Variants in UXS1 observed in about 807,000 individuals in gnomAD.
UXS1 encodes the protein UDP-glucuronate decarboxylase 1.
UXS1 carries 33 observed loss-of-function variants against 62.6 expected under a neutral mutation model. That is an observed-to-expected ratio of 0.53 (90% confidence interval 0.40 to 0.70). The LOEUF is 0.70. Among genes scored for constraint, UXS1 ranks in the 30% least tolerant of loss-of-function variants. The pLI, the probability that UXS1 is intolerant of heterozygous loss-of-function variation, is 0.00. For synonymous variants in UXS1, 213 were observed against 206.8 expected, an observed-to-expected ratio of 1.03 and a Z score of -0.26; for missense variants, 434 against 556.3, an observed-to-expected ratio of 0.78 and a Z score of 2.21.
At chr2:106,192,868 C>CA (rs1685018182) in intron 1 of UXS1, among the ~76,000 whole-genome samples, 1 of 152,210 alleles carries the variant, frequency 6.6e-6, no homozygotes, top group African/African-American at 2.4e-5. Flanking sequence ...AATCATGACT[C>CA]ACACAGTTAA....
intron 6 of UXS1, among the ~76,000 whole-genome samples, chr2:106,130,947 G>A (rs796269496): frequency 5.9e-5 from 9 of 152,254 alleles, no homozygotes; most frequent in Admixed American, 3.9e-4. Flanking sequence ...AGCTCCCAGC[G>A]TGAGCGACGC....
chr2:106,138,109 A>T (rs989394360), intron 6 of UXS1: 1 of 922,246 alleles, frequency 1.1e-6, no homozygotes, highest in Non-Finnish European at 1.3e-6. Context: ...AGAGGGAAGA[A>T]GTGTGCCTTG....
At chr2:106,116,462 G>C (rs1679065813) in intron 9 of UXS1, among the ~76,000 whole-genome samples, 1 of 152,128 alleles carries the variant, frequency 6.6e-6, no homozygotes, top group African/African-American at 2.4e-5. Flanking sequence ...CTCATGATCA[G>C]CACCCAGCAT....
rs114599246 is a variant in UXS1, at chr2:106,169,900, G to A, written c.95-3817C>T. On this transcript the variant is annotated intron_variant, in intron 1 of 14. Transcript: ENST00000283148. The stretch of plus-strand genomic sequence containing the variant: ...CATGCTTCCCAGGATCAGCCCTGGG[G>A]AATGATGTCCAAGCCACAGCCAAAG... 6.6e-4 allele frequency among the ~76,000 whole-genome samples: 101 copies of A among 152,130 alleles called. 1 individual carries two copies. Among genetic ancestry groups the A allele is most frequent in the African/African-American group, 2.4e-3 (99 of 41,464 alleles).
At chr2:106,124,804 A>C (rs2104929934) in intron 8 of UXS1, among the ~76,000 whole-genome samples, 1 of 152,314 alleles carries the variant, frequency 6.6e-6, no homozygotes, top group Non-Finnish European at 1.5e-5. Flanking sequence ...ATTACAAAGA[A>C]TATCACTGCA....
At chr2:106,104,905 C>T in intron 10 of UXS1, 68 bp from the exon 11 acceptor site, 1 of 1,593,354 alleles carries the variant, frequency 6.3e-7, no homozygotes, top group Non-Finnish European at 8.6e-7. Context: ...GTCCTTGAAA[C>T]TCCAGGGGAC....
At chr2:106,116,226 A>C (rs1472531764) in intron 9 of UXS1, among the ~76,000 whole-genome samples, 1 of 152,218 alleles carries the variant, frequency 6.6e-6, no homozygotes, top group African/African-American at 2.4e-5. Context: ...TGTACAGAGC[A>C]CCTCTGACAG....
chr2:106,175,019 A>G (rs952407964), intron 1 of UXS1, among the ~76,000 whole-genome samples: 4 of 152,218 alleles, frequency 2.6e-5, no homozygotes, highest in African/African-American at 9.6e-5. Context: ...GCCACGTGGC[A>G]CATGCTCAAA....
At chr2:106,173,827 G>A (rs762186113) in intron 1 of UXS1, among the ~76,000 whole-genome samples, 8 of 152,182 alleles carry the variant, frequency 5.3e-5, no homozygotes, top group Admixed American at 3.3e-4. Flanking sequence ...CTAGCTCTTG[G>A]ATCTTACAAA....
rs755697432 is a variant in UXS1, at chr2:106,122,986, T to A, written c.743A>T (p.Tyr248Phe). ...GTGAAATACCTGCTTCATGTAGGCA[T>A]AGCACATGGTCTCTGCAACACGTTT... is the stretch of plus-strand genomic sequence containing the variant. ...EGKRVAETMC[Y>F]AYMKQEGVEV... The change falls in exon 9 of 15, where the codon TAT becomes TTT. Residue 248 changes from tyrosine (Y) to phenylalanine (F), a missense_variant. Physicochemically the swap from Tyr to Phe is conservative, Grantham distance 22 (BLOSUM62 3). This residue lies in a region of UXS1 where 209 missense variants were observed against 233.3 expected (regional missense o/e 0.90). Transcript: ENST00000283148. 6.2e-7 allele frequency: 1 copy of A among 1,613,866 alleles called. No homozygotes were observed. Among genetic ancestry groups the A allele is most frequent in the South Asian group, 1.1e-5 (1 of 91,086 alleles).
At chr2:106,171,687 A>G (rs1175511369) in intron 1 of UXS1, among the ~76,000 whole-genome samples, 6 of 152,238 alleles carry the variant, frequency 3.9e-5, no homozygotes, top group Non-Finnish European at 8.8e-5. Flanking sequence ...TATTTCAAGT[A>G]ATGTTACAAG....
chr2:106,114,550 C>T (rs900088997), intron 9 of UXS1, among the ~76,000 whole-genome samples: 38 of 152,194 alleles, frequency 2.5e-4, no homozygotes, highest in African/African-American at 8.9e-4. Flanking sequence ...CAATAATCAA[C>T]GCAATGTGCC....
intron 2 of UXS1, among the ~76,000 whole-genome samples, chr2:106,165,100 C>T (rs1464669914): frequency 6.6e-6 from 1 of 152,216 alleles, no homozygotes; most frequent in Non-Finnish European, 1.5e-5. Context: ...GCAGGAAGTG[C>T]GTCTGTAGGA....
intron 9 of UXS1, among the ~76,000 whole-genome samples, chr2:106,114,949 G>A (rs1238369650): frequency 6.6e-6 from 1 of 152,114 alleles, no homozygotes; most frequent in Non-Finnish European, 1.5e-5. Context: ...GTGTCTTCTG[G>A]AGTTTGTATG....
At chr2:106,137,643 A>T (rs1680765656) in intron 6 of UXS1, among the ~76,000 whole-genome samples, 1 of 151,858 alleles carries the variant, frequency 6.6e-6, no homozygotes, top group African/African-American at 2.4e-5. Context: ...TAAAAAAAAA[A>T]AAATAGCTAG....
At chr2:106,175,151 G>A (rs541501258) in intron 1 of UXS1, among the ~76,000 whole-genome samples, 2 of 152,310 alleles carry the variant, frequency 1.3e-5, no homozygotes, top group Admixed American at 6.5e-5. Context: ...CCAGTGCTCA[G>A]AGCAGGAACA....
chr2:106,110,373 T>G (rs1678489477), intron 10 of UXS1, among the ~76,000 whole-genome samples: 1 of 152,306 alleles, frequency 6.6e-6, no homozygotes, highest in South Asian at 2.1e-4. Flanking sequence ...TAGGGGACAC[T>G]GGGAGCCCTG....
At chr2:106,143,232 C>T (rs187873207) in intron 6 of UXS1, among the ~76,000 whole-genome samples, 279 of 150,980 alleles carry the variant, frequency 1.8e-3, no homozygotes, top group African/African-American at 6.1e-3. Context: ...CAGGGTGAAA[C>T]CCCGTCTCTA....
At chr2:106,106,545 G>C (rs879793433) in intron 10 of UXS1, among the ~76,000 whole-genome samples, 1 of 152,160 alleles carries the variant, frequency 6.6e-6, no homozygotes, top group African/African-American at 2.4e-5. Flanking sequence ...ACTGAGAAAA[G>C]GCTGGGGATA....
Sources: allele counts gnomAD v4.1 joint callset (sites outside exome capture counted in the v4.1 genomes callset), GRCh38; gene constraint gnomAD v4.1.1; regional missense constraint gnomAD v4.1.1; transcripts MANE v1.5; gene names NCBI Gene and HGNC (gene_info 2026-07-23, HGNC 2026-07-21).